Variants in MMP26 observed in about 807,000 individuals in gnomAD.
MMP26 encodes the protein matrix metallopeptidase 26, also known as matrix metalloproteinase-26.
A neutral mutation model predicts 31.0 loss-of-function variants in MMP26; 33 were observed. That is an observed-to-expected ratio of 1.06 (90% confidence interval 0.81 to 1.42). The LOEUF (loss-of-function observed/expected upper bound fraction) is 1.42. Among genes scored for constraint, MMP26 ranks in the 40% most tolerant of loss-of-function variants. MMP26 has a pLI of 0.00. For missense variants in MMP26, 347 were observed against 316.1 expected (o/e 1.10, Z -0.74); for synonymous variants, 122 against 114.9 (o/e 1.06, Z -0.40).
chr11:4,825,654 C>T (rs932109390), intron 2 of MMP26, among the ~76,000 whole-genome samples: 6 of 152,136 alleles, frequency 3.9e-5, no homozygotes, highest in Non-Finnish European at 7.4e-5. Flanking sequence ...CCTTACCTTC[C>T]ACCTGAACTT....
chr11:4,829,587 G>A (rs1849619246), intron 2 of MMP26, among the ~76,000 whole-genome samples: 2 of 152,160 alleles, frequency 1.3e-5, no homozygotes, highest in Admixed American at 1.3e-4. Context: ...TATTAAGCAT[G>A]CTGTGACCCT....
chr11:4,844,155 A>G (rs1849834959), intron 2 of MMP26, among the ~76,000 whole-genome samples: 1 of 152,206 alleles, frequency 6.6e-6, no homozygotes, highest in Admixed American at 6.5e-5. Flanking sequence ...ATGCCAATAA[A>G]TTAGAAAATC....
intron 1 of MMP26, among the ~76,000 whole-genome samples, chr11:4,708,883 A>G (rs1847819398): frequency 6.6e-6 from 1 of 152,240 alleles, no homozygotes; most frequent in Admixed American, 6.5e-5. Flanking sequence ...CAGGCAGAAT[A>G]TCCTTTGAAC....
chr11:4,729,763 T>A (rs1848148603), intron 1 of MMP26, among the ~76,000 whole-genome samples: 1 of 152,088 alleles, frequency 6.6e-6, no homozygotes, highest in African/African-American at 2.4e-5. Context: ...TCCTTTTCTC[T>A]GTCAAAAGTG....
chr11:4,881,153 G>C (rs118038282), intron 2 of MMP26, among the ~76,000 whole-genome samples: 2 of 152,134 alleles, frequency 1.3e-5, no homozygotes, highest in Non-Finnish European at 2.9e-5. Context: ...ACTGGCTCCA[G>C]AGTGTATGAC....
At chr11:4,921,317 T>C (rs1393549042) in intron 2 of MMP26, among the ~76,000 whole-genome samples, 2 of 152,170 alleles carry the variant, frequency 1.3e-5, no homozygotes, top group Non-Finnish European at 2.9e-5. Flanking sequence ...GAGAGAGGCA[T>C]ACTGACTTTT....
intron 1 of MMP26, among the ~76,000 whole-genome samples, chr11:4,734,256 A>G (rs1848208722): frequency 1.3e-5 from 2 of 152,294 alleles, no homozygotes; most frequent in Admixed American, 6.5e-5. Context: ...TTAAGTGTTT[A>G]GTGAAATTTG....
chr11:4,724,878 AGTT>A (rs1186469726), intron 1 of MMP26, among the ~76,000 whole-genome samples: 1 of 152,256 alleles, frequency 6.6e-6, no homozygotes, highest in African/African-American at 2.4e-5. Flanking sequence ...GAATTAAAAA[AGTT>A]ATTATAGACT....
At position 4,992,347 on chromosome 11, in the gene MMP26, C is replaced by A; in HGVS notation, c.*105C>A. ...CCTTGGGGACTGCTAGGATGAAGCC[C>A]TAAAGAATGCAACCTAGTCAGGTTA... On this transcript the variant is annotated 3_prime_UTR_variant, in exon 8 of 8. Transcript: ENST00000380390. 1 of 1,089,830 alleles carries A rather than the reference C, an allele frequency of 9.2e-7. No individual in the cohort carries two copies. The highest frequency in any genetic ancestry group is 1.5e-5 in the South Asian group (1 of 67,354). 67.5% of individuals were successfully genotyped at this position (1,089,830 alleles called of 1,614,324 possible). A position where few individuals can be genotyped will look rare whatever the true frequency, so the allele number is the denominator to read the frequency against.
chr11:4,790,015 A>G (rs1849002238), intron 2 of MMP26, among the ~76,000 whole-genome samples: 1 of 152,210 alleles, frequency 6.6e-6, no homozygotes, highest in Admixed American at 6.5e-5. Flanking sequence ...ATGGATGCAC[A>G]CATATTGAAA....
chr11:4,983,918 A>C (rs1184900622), intron 2 of MMP26, among the ~76,000 whole-genome samples: 1 of 152,240 alleles, frequency 6.6e-6, no homozygotes, highest in African/African-American at 2.4e-5. Flanking sequence ...GATTCTATGC[A>C]TATTACATTT....
chr11:4,763,206 A>G (rs1848590047), intron 1 of MMP26, among the ~76,000 whole-genome samples: 1 of 152,206 alleles, frequency 6.6e-6, no homozygotes. Context: ...AAGAAGCCGT[A>G]TTTATGTTAA....
At chr11:4,737,187 CTAA>C (rs1268158656) in intron 1 of MMP26, 5 of 152,212 alleles carry the variant, frequency 3.3e-5, no homozygotes, top group Admixed American at 3.3e-4. Context: ...GTTATGATTT[CTAA>C]TAACTGTAGT....
rs114246661 is a variant in MMP26 at position 4,992,354 on chromosome 11, A to T, written c.*112A>T. 5.9e-5 allele frequency: 60 copies of T among 1,024,174 alleles called. No homozygotes were observed. The African/African-American group carries it at 8.3e-4, about 14-fold the overall frequency. The allele number at this position is 1,024,174 out of a possible 1,614,324, so 63.4% of individuals were successfully genotyped here. A position where few individuals can be genotyped will look rare whatever the true frequency, so the allele number is the denominator to read the frequency against. ...GACTGCTAGGATGAAGCCCTAAAGA[A>T]TGCAACCTAGTCAGGTTAGCTGAAC... is the stretch of plus-strand genomic sequence containing the variant. On this transcript the variant is annotated 3_prime_UTR_variant, in exon 8 of 8. Coordinates refer to ENST00000380390, the MANE Select transcript of MMP26 (RefSeq NM_021801.5).
chr11:4,829,552 C>G (rs115420055), intron 2 of MMP26, among the ~76,000 whole-genome samples: 1 of 152,174 alleles, frequency 6.6e-6, no homozygotes, highest in South Asian at 2.1e-4. Context: ...TGAACAATTT[C>G]CCTTCTGAAC....
chr11:4,880,503 C>T (rs1252912703), intron 2 of MMP26, among the ~76,000 whole-genome samples: 1 of 151,936 alleles, frequency 6.6e-6, no homozygotes, highest in Non-Finnish European at 1.5e-5. Context: ...GAGAAAAAGG[C>T]AAAAGACGAT....
intron 2 of MMP26, chr11:4,943,722 G>C (rs1564811745): frequency 2.8e-6 from 1 of 352,876 alleles, no homozygotes; most frequent in East Asian, 7.6e-5. Context: ...CCCCAGAGTT[G>C]AGATTTTAAT....
chr11:4,872,560 T>G (rs985753539), intron 2 of MMP26, among the ~76,000 whole-genome samples: 3 of 152,026 alleles, frequency 2.0e-5, no homozygotes. Flanking sequence ...AGATAGTTTC[T>G]TATCCTAGTG....
intron 2 of MMP26, among the ~76,000 whole-genome samples, chr11:4,936,446 T>A (rs1417228783): frequency 2.0e-5 from 3 of 152,132 alleles, no homozygotes; most frequent in Admixed American, 1.3e-4. Context: ...TTTTTTATTG[T>A]GTCTATTTAA....
Sources: allele counts gnomAD v4.1 joint callset (sites outside exome capture counted in the v4.1 genomes callset), GRCh38; gene constraint gnomAD v4.1.1; transcripts MANE v1.5; gene names NCBI Gene and HGNC (gene_info 2026-07-23, HGNC 2026-07-21).